PLA2G4A: variants seen among roughly 807,000 people sequenced by gnomAD.
PLA2G4A encodes the protein cytosolic phospholipase A2.
Under a neutral mutation model 81.9 loss-of-function variants are expected in PLA2G4A, and 40 were observed. The observed-to-expected ratio is 0.49, with a 90% confidence interval of 0.38 to 0.64. The LOEUF (loss-of-function observed/expected upper bound fraction) is 0.64. Among genes scored for constraint, PLA2G4A ranks in the 30% least tolerant of loss-of-function variants. The pLI, the probability that PLA2G4A is intolerant of heterozygous loss-of-function variation, is 0.00. For synonymous variants in PLA2G4A, 302 were observed against 296.9 expected, an observed-to-expected ratio of 1.02 and a Z score of -0.18; for missense variants, 715 against 905.1, an observed-to-expected ratio of 0.79 and a Z score of 2.69.
chr1:186,916,174 TCTC>T (rs60606724), intron 7 of PLA2G4A, among the ~76,000 whole-genome samples: 145,632 of 152,040 alleles, frequency 0.96, 69,780 homozygotes, highest in African/African-American at 0.99. Flanking sequence ...TTCGTAAACT[TCTC>T]CTCCTCGAAC....
chr1:186,859,593 T>C (rs1652721832), intron 2 of PLA2G4A, among the ~76,000 whole-genome samples: 1 of 152,174 alleles, frequency 6.6e-6, no homozygotes, highest in Non-Finnish European at 1.5e-5. Context: ...GTAAACCATG[T>C]GGATATGGCA....
chr1:186,864,349 A>G (rs1341243153), intron 2 of PLA2G4A, among the ~76,000 whole-genome samples: 1 of 152,124 alleles, frequency 6.6e-6, no homozygotes, highest in Non-Finnish European at 1.5e-5. Flanking sequence ...TGGTAGTACC[A>G]TTTTTAATTT....
chr1:186,922,886 G>T (rs149724165), intron 7 of PLA2G4A, among the ~76,000 whole-genome samples: 25 of 152,304 alleles, frequency 1.6e-4, no homozygotes, highest in African/African-American at 6.0e-4. Context: ...GTGACGGGGG[G>T]CTGCATGCAC....
intron 2 of PLA2G4A, 41 bp from the exon 3 acceptor site, chr1:186,870,394 G>T: frequency 8.4e-7 from 1 of 1,190,038 alleles, no homozygotes; most frequent in Non-Finnish European, 1.3e-6. Flanking sequence ...GAGGTTCTAT[G>T]TTGGAAGCTT....
At chr1:186,972,003 TGCA>T (rs1432663517) in intron 15 of PLA2G4A, among the ~76,000 whole-genome samples, 7 of 152,136 alleles carry the variant, frequency 4.6e-5, no homozygotes, top group African/African-American at 1.7e-4. Context: ...ATTTCACATT[TGCA>T]GAAAATTCTA....
intron 17 of PLA2G4A, among the ~76,000 whole-genome samples, chr1:186,987,446 A>T (rs928685935): frequency 8.5e-5 from 13 of 152,220 alleles, no homozygotes; most frequent in Non-Finnish European, 1.6e-4. Context: ...TTGTGGAATA[A>T]CTCTGTGACT....
chr1:186,969,024 A>T (rs939622946), intron 15 of PLA2G4A, among the ~76,000 whole-genome samples: 1 of 151,832 alleles, frequency 6.6e-6, no homozygotes, highest in Non-Finnish European at 1.5e-5. Flanking sequence ...AACTACTTTT[A>T]ATTGGATTAT....
intron 3 of PLA2G4A, among the ~76,000 whole-genome samples, chr1:186,887,487 T>C (rs1030409779): frequency 2.6e-5 from 4 of 152,110 alleles, no homozygotes; most frequent in Non-Finnish European, 5.9e-5. Flanking sequence ...GTCAACTTTA[T>C]GGGAAGAAAA....
At chr1:186,975,098 T>C (rs1459695388) in intron 15 of PLA2G4A, among the ~76,000 whole-genome samples, 1 of 152,238 alleles carries the variant, frequency 6.6e-6, no homozygotes, top group Non-Finnish European at 1.5e-5. Flanking sequence ...TGCTCCACAA[T>C]GTGAACTTTT....
chr1:186,847,228 GA>G (rs1652208384), intron 1 of PLA2G4A, among the ~76,000 whole-genome samples: 1 of 152,034 alleles, frequency 6.6e-6, no homozygotes, highest in Admixed American at 6.6e-5. Context: ...TCTGCTGTTT[GA>G]AAATGTGATA....
At chr1:186,875,728 G>A (rs1653471243) in intron 3 of PLA2G4A, among the ~76,000 whole-genome samples, 1 of 152,048 alleles carries the variant, frequency 6.6e-6, no homozygotes, top group Non-Finnish European at 1.5e-5. Context: ...AACCCAGGCA[G>A]CGTCACTCTA....
At chr1:186,887,221 T>G (rs1192221613) in intron 3 of PLA2G4A, among the ~76,000 whole-genome samples, 4 of 152,168 alleles carry the variant, frequency 2.6e-5, no homozygotes, top group Non-Finnish European at 1.5e-5. Flanking sequence ...TTGTAACAAA[T>G]TACTTGTAAT....
At chr1:186,879,018 C>G (rs887089500) in intron 3 of PLA2G4A, among the ~76,000 whole-genome samples, 1 of 151,676 alleles carries the variant, frequency 6.6e-6, no homozygotes, top group African/African-American at 2.4e-5. Flanking sequence ...TTTAGTATAT[C>G]TTAATATTAT....
chr1:186,952,807 A>C (rs1366051932), intron 13 of PLA2G4A, among the ~76,000 whole-genome samples: 1 of 151,648 alleles, frequency 6.6e-6, no homozygotes, highest in Non-Finnish European at 1.5e-5. Context: ...ATCAAACAAT[A>C]ATGTAGCCTT....
rs564952835 is a variant in PLA2G4A at position 186,957,067 on chromosome 1, G to A, written c.1579+723G>A. On this transcript the variant is annotated intron_variant, in intron 14 of 17. Transcript: ENST00000367466. Reference sequence around the variant, plus strand: ...CTCAGGAGGCTGAAGCACAATAATCGCTTGAACCTGGGAGGCAGACATTGC... The same window carrying A: ...CTCAGGAGGCTGAAGCACAATAATCACTTGAACCTGGGAGGCAGACATTGC... Among the ~76,000 whole-genome samples the A allele has an allele frequency of 3.3e-5, 5 of 151,758 alleles. No homozygotes were observed. The South Asian group carries it at 6.3e-4, about 19-fold the overall frequency.
chr1:186,886,233 A>T (rs1653934113), intron 3 of PLA2G4A, among the ~76,000 whole-genome samples: 1 of 152,180 alleles, frequency 6.6e-6, no homozygotes, highest in South Asian at 2.1e-4. Flanking sequence ...AGCTTAAATG[A>T]TAGATTAATG....
intron 2 of PLA2G4A, among the ~76,000 whole-genome samples, chr1:186,862,325 T>C (rs1571343568): frequency 1.3e-5 from 2 of 151,500 alleles, no homozygotes. Flanking sequence ...AGCGATTCTC[T>C]TGCCTCAGTC....
intron 3 of PLA2G4A, among the ~76,000 whole-genome samples, chr1:186,882,481 C>G (rs1571362885): frequency 6.6e-6 from 1 of 152,250 alleles, no homozygotes; most frequent in East Asian, 1.9e-4. Flanking sequence ...ATGAATATTT[C>G]TGCCATCAAT....
chr1:186,912,032 C>T (rs1654962639), intron 7 of PLA2G4A, among the ~76,000 whole-genome samples: 1 of 152,050 alleles, frequency 6.6e-6, no homozygotes, highest in African/African-American at 2.4e-5. Context: ...GAGACAATTG[C>T]CCACCTTCCA....
Sources: gnomAD v4.1 joint callset for allele counts (sites outside exome capture counted in the v4.1 genomes callset) on GRCh38, gnomAD v4.1.1 for gene constraint, MANE v1.5 for transcripts, NCBI Gene and HGNC (gene_info 2026-07-23, HGNC 2026-07-21) for gene names.